FOXN3: variants seen among roughly 807,000 people sequenced by gnomAD.
FOXN3 encodes the protein forkhead box N3.
Under a neutral mutation model 38.4 loss-of-function variants are expected in FOXN3, and 7 were observed. That is an observed-to-expected ratio of 0.18 (90% CI 0.10 to 0.34). The LOEUF (loss-of-function observed/expected upper bound fraction) is 0.34, where lower values mean the gene tolerates loss of function less well. FOXN3 is among the 10% of genes least tolerant of loss of function. The probability of loss-of-function intolerance (pLI) is 1.00; values close to 1 mark genes in which losing one functional copy is unlikely to be tolerated. For missense variants in FOXN3, 456 were observed against 613.4 expected (o/e 0.74, Z 2.71); for synonymous variants, 230 against 242.2 (o/e 0.95, Z 0.47).
chr14:89,169,168 C>CTGTA (rs1887320880), intron 5 of FOXN3, among the ~76,000 whole-genome samples: 1 of 152,182 alleles, frequency 6.6e-6, no homozygotes, highest in African/African-American at 2.4e-5. Flanking sequence ...AGGCTGGGTG[C>CTGTA]TGTAGCTCAT....
intron 3 of FOXN3, among the ~76,000 whole-genome samples, chr14:89,335,456 G>A (rs1888421555): frequency 6.6e-6 from 1 of 152,202 alleles, no homozygotes; most frequent in South Asian, 2.1e-4. Flanking sequence ...GACCAACAGT[G>A]CTCATCATTC....
chr14:89,391,843 A>G (rs1359674655), intron 2 of FOXN3, among the ~76,000 whole-genome samples: 1 of 152,154 alleles, frequency 6.6e-6, no homozygotes, highest in African/African-American at 2.4e-5. Flanking sequence ...CATCTCTACT[A>G]AAATGTAAAA....
At chr14:89,273,511 C>T (rs12888929) in intron 4 of FOXN3, among the ~76,000 whole-genome samples, 54,958 of 152,106 alleles carry the variant, frequency 0.36, 10,812 homozygotes, top group Admixed American at 0.47. Context: ...TCCCAGATTC[C>T]ACACCAGGCT....
chr14:89,363,967 T>TAATATATATATATATATATA (rs1420143034), intron 2 of FOXN3, among the ~76,000 whole-genome samples: 1 of 98,612 alleles, frequency 1.0e-5, no homozygotes, highest in African/African-American at 5.3e-5. Context: ...TATATATATA[T>TAATATATATATATATATATA]ATATATATAT....
At chr14:89,376,740 G>A (rs966761703) in intron 2 of FOXN3, among the ~76,000 whole-genome samples, 1 of 152,076 alleles carries the variant, frequency 6.6e-6, no homozygotes, top group Non-Finnish European at 1.5e-5. Context: ...GCTGCCGGGT[G>A]CAGTGGCTCA....
At chr14:89,256,191 A>G (rs1885614326) in intron 4 of FOXN3, among the ~76,000 whole-genome samples, 1 of 152,178 alleles carries the variant, frequency 6.6e-6, no homozygotes, top group Non-Finnish European at 1.5e-5. Context: ...TTCAAGGGGA[A>G]AATCGAGTTT....
intron 1 of FOXN3, among the ~76,000 whole-genome samples, chr14:89,608,106 G>A (rs1259223199): frequency 6.6e-6 from 1 of 152,142 alleles, no homozygotes; most frequent in Non-Finnish European, 1.5e-5. Context: ...AGCCTCCCGA[G>A]TACCTGGGAC....
At chr14:89,339,780 C>T (rs1054451121) in intron 3 of FOXN3, among the ~76,000 whole-genome samples, 5 of 152,226 alleles carry the variant, frequency 3.3e-5, no homozygotes, top group Non-Finnish European at 5.9e-5. Context: ...AGCACCAATT[C>T]GGGGCCACTC....
chr14:89,287,587 C>A (rs929162405), intron 3 of FOXN3, among the ~76,000 whole-genome samples: 8 of 148,922 alleles, frequency 5.4e-5, no homozygotes, highest in Non-Finnish European at 8.9e-5. Flanking sequence ...CAACTTGGCC[C>A]GTTTTTCCAT....
intron 3 of FOXN3, among the ~76,000 whole-genome samples, chr14:89,329,244 T>C (rs1229560824): frequency 6.6e-6 from 1 of 152,220 alleles, no homozygotes; most frequent in Non-Finnish European, 1.5e-5. Context: ...CAGGCTGTGA[T>C]GCTTACACAC....
intron 1 of FOXN3, among the ~76,000 whole-genome samples, chr14:89,501,186 A>G (rs1473870830): frequency 6.6e-6 from 1 of 152,222 alleles, no homozygotes; most frequent in Non-Finnish European, 1.5e-5. Flanking sequence ...GCTAATCCTT[A>G]AGAAAAAATA....
chr14:89,428,650 G>A (rs953174059), intron 1 of FOXN3, among the ~76,000 whole-genome samples: 2 of 152,232 alleles, frequency 1.3e-5, no homozygotes, highest in Admixed American at 1.3e-4. Flanking sequence ...ACAGCGCCAG[G>A]CCAGCTGTCT....
intron 1 of FOXN3, among the ~76,000 whole-genome samples, chr14:89,533,333 G>GGCCAGCATCATCCTCACCAGA (rs1447711723): frequency 2.0e-5 from 3 of 152,070 alleles, no homozygotes; most frequent in Non-Finnish European, 4.4e-5. Context: ...GCAATCCAGG[G>GGCCAGCATCATCCTCACCAGA]GCCAGCATCA....
intron 2 of FOXN3, chr14:89,409,603 C>T (rs140778209): frequency 7.2e-5 from 11 of 152,354 alleles, no homozygotes; most frequent in Non-Finnish European, 1.3e-4. Context: ...CCAAACTAAA[C>T]GCCCTGTTTG....
chr14:89,555,565 TA>T (rs1895099693), intron 1 of FOXN3, among the ~76,000 whole-genome samples: 1 of 152,190 alleles, frequency 6.6e-6, no homozygotes, highest in African/African-American at 2.4e-5. Flanking sequence ...GTTCATATCT[TA>T]GGTGATTTTC....
chr14:89,528,106 A>T (rs1392858631), intron 1 of FOXN3, among the ~76,000 whole-genome samples: 1 of 152,208 alleles, frequency 6.6e-6, no homozygotes, highest in East Asian at 1.9e-4. Flanking sequence ...ATATTTTGAC[A>T]GTTTCTTAAA....
At chr14:89,452,937 G>C (rs938402435) in intron 1 of FOXN3, among the ~76,000 whole-genome samples, 6 of 152,140 alleles carry the variant, frequency 3.9e-5, no homozygotes, top group African/African-American at 1.4e-4. Context: ...GGCAGCTCAC[G>C]CCAGTAATCC....
chr14:89,485,648 C>A (rs1893430540), intron 1 of FOXN3, among the ~76,000 whole-genome samples: 1 of 152,148 alleles, frequency 6.6e-6, no homozygotes, highest in South Asian at 2.1e-4. Flanking sequence ...GCAACAGAAA[C>A]CACTGTCCCA....
chr14:89,232,682 C>G (rs999421745), intron 4 of FOXN3, among the ~76,000 whole-genome samples: 1 of 152,154 alleles, frequency 6.6e-6, no homozygotes, highest in Non-Finnish European at 1.5e-5. Flanking sequence ...TTTCCACAGC[C>G]CTGGATGGAG....
Sources: allele counts gnomAD v4.1 joint callset (sites outside exome capture counted in the v4.1 genomes callset), GRCh38; gene constraint gnomAD v4.1.1; transcripts MANE v1.5; gene names NCBI Gene and HGNC (gene_info 2026-07-23, HGNC 2026-07-21).